The following MEIS2 variants were observed in gnomAD, a reference collection of about 807,000 sequenced individuals.
MEIS2 encodes the protein Meis homeobox 2.
A neutral mutation model predicts 58.6 loss-of-function variants in MEIS2; 9 were observed. The observed-to-expected ratio is 0.15, with a 90% CI of 0.09 to 0.27. MEIS2 has a LOEUF of 0.27. MEIS2 is among the 10% of genes least tolerant of loss of function. MEIS2 has a pLI of 1.00. For synonymous variants in MEIS2, 221 were observed against 228.4 expected, an observed-to-expected ratio of 0.97 and a Z score of 0.29; for missense variants, 427 against 635.0, an observed-to-expected ratio of 0.67 and a Z score of 3.52.
intron 8 of MEIS2, among the ~76,000 whole-genome samples, chr15:36,980,936 T>A (rs1296808131): frequency 6.6e-6 from 1 of 152,196 alleles, no homozygotes; most frequent in Non-Finnish European, 1.5e-5. Context: ...AGGACAAATA[T>A]CTTAACTGCT....
intron 8 of MEIS2, among the ~76,000 whole-genome samples, chr15:36,986,085 A>T (rs1343017026): frequency 6.6e-6 from 1 of 152,122 alleles, no homozygotes; most frequent in Non-Finnish European, 1.5e-5. Flanking sequence ...TAGTCAGATC[A>T]ATTTTGATAT....
intron 9 of MEIS2, among the ~76,000 whole-genome samples, chr15:36,933,190 G>C (rs2058045033): frequency 6.6e-6 from 1 of 152,108 alleles, no homozygotes; most frequent in South Asian, 2.1e-4. Flanking sequence ...AAATTAGGTG[G>C]CTAGGCTCAC....
intron 9 of MEIS2, among the ~76,000 whole-genome samples, chr15:36,906,663 A>C (rs2056755788): frequency 6.6e-6 from 1 of 151,658 alleles, no homozygotes; most frequent in African/African-American, 2.4e-5. Flanking sequence ...AAAAAAAAAA[A>C]AAAAAAAACA....
At chr15:37,047,279 C>T (rs2062715613) in intron 7 of MEIS2, among the ~76,000 whole-genome samples, 1 of 152,158 alleles carries the variant, frequency 6.6e-6, no homozygotes, top group Non-Finnish European at 1.5e-5. Flanking sequence ...TTGCACTACA[C>T]TACCTAGAGC....
At chr15:37,073,124 C>T (rs1183665921) in intron 7 of MEIS2, among the ~76,000 whole-genome samples, 2 of 152,024 alleles carry the variant, frequency 1.3e-5, no homozygotes, top group African/African-American at 4.8e-5. Context: ...TTTGGGGCTC[C>T]ACTATTAGTC....
At chr15:36,984,957 T>C (rs1244535245) in intron 8 of MEIS2, among the ~76,000 whole-genome samples, 1 of 152,184 alleles carries the variant, frequency 6.6e-6, no homozygotes, top group African/African-American at 2.4e-5. Context: ...CTTATAATTT[T>C]ATTTACTTGA....
At chr15:37,077,380 G>C (rs962307565) in intron 7 of MEIS2, among the ~76,000 whole-genome samples, 1 of 151,984 alleles carries the variant, frequency 6.6e-6, no homozygotes, top group Non-Finnish European at 1.5e-5. Flanking sequence ...GTTATAAAAG[G>C]GTTGTGCATT....
intron 8 of MEIS2, among the ~76,000 whole-genome samples, chr15:36,976,969 C>CA (rs1041565375): frequency 6.6e-6 from 1 of 151,912 alleles, no homozygotes; most frequent in Non-Finnish European, 1.5e-5. Flanking sequence ...ACTAAAAATA[C>CA]AAAAAAATTA....
intron 9 of MEIS2, among the ~76,000 whole-genome samples, chr15:36,937,992 C>CT (rs1422860322): frequency 6.6e-6 from 1 of 151,710 alleles, no homozygotes; most frequent in Non-Finnish European, 1.5e-5. Context: ...AGATGTCAAA[C>CT]TTTTTTTTTC....
At chr15:36,986,012 G>A (rs1166141327) in intron 8 of MEIS2, among the ~76,000 whole-genome samples, 1 of 152,126 alleles carries the variant, frequency 6.6e-6, no homozygotes, top group Non-Finnish European at 1.5e-5. Flanking sequence ...TAGCGCCACT[G>A]TAATTTTTTA....
intron 8 of MEIS2, among the ~76,000 whole-genome samples, chr15:36,962,856 T>A (rs2059232639): frequency 6.6e-6 from 1 of 152,258 alleles, no homozygotes; most frequent in Admixed American, 6.5e-5. Flanking sequence ...GAAATGGCCT[T>A]TAGACTCTAA....
At chr15:36,947,333 G>A (rs921781253) in intron 9 of MEIS2, among the ~76,000 whole-genome samples, 1 of 151,982 alleles carries the variant, frequency 6.6e-6, no homozygotes, top group Non-Finnish European at 1.5e-5. Context: ...TGACTGCAAA[G>A]ACACAAGGCA....
At chr15:37,066,552 C>CA (rs973299699) in intron 7 of MEIS2, 2 of 152,188 alleles carry the variant, frequency 1.3e-5, no homozygotes, top group African/African-American at 4.8e-5. Context: ...GGGAATCAAA[C>CA]AAAAATTTAT....
intron 9 of MEIS2, among the ~76,000 whole-genome samples, chr15:36,902,324 G>A (rs376387413): frequency 2.6e-5 from 4 of 152,282 alleles, no homozygotes; most frequent in South Asian, 2.1e-4. Context: ...TGTTCATATC[G>A]CCGGATCTTT....
chr15:36,922,380 G>T (rs911486795), intron 9 of MEIS2, among the ~76,000 whole-genome samples: 2 of 150,370 alleles, frequency 1.3e-5, no homozygotes, highest in Non-Finnish European at 3.0e-5. Flanking sequence ...GTGTGGTAAA[G>T]AGGTATTTTT....
chr15:36,954,847 C>G (rs2058898107), intron 8 of MEIS2, among the ~76,000 whole-genome samples: 1 of 152,202 alleles, frequency 6.6e-6, no homozygotes, highest in African/African-American at 2.4e-5. Context: ...GGAAAGTGAT[C>G]ATTATGATGA....
chr15:37,098,378 G>GA lies in MEIS2; in HGVS notation c.13-180_13-179insT, dbSNP rs1470139146. ...GGAGGAGGAGGAAAAGGAGGAGAGG[G>GA]GGAGAGAGAGAGAGAGAGAGAGAGA... is the stretch of plus-strand genomic sequence containing the variant. On this transcript the variant is annotated intron_variant, in intron 1 of 11. Coordinates refer to ENST00000561208, the MANE Select transcript of MEIS2 (RefSeq NM_170675.5). 87 of 1,103,162 alleles carry GA rather than the reference G, an allele frequency of 7.9e-5. No individual in the cohort carries two copies. The East Asian group carries it at 1.1e-3, about 14-fold the overall frequency. The allele number at this position is 1,103,162 out of a possible 1,614,324, so 68.3% of individuals were successfully genotyped here.
At chr15:36,962,018 A>C (rs1334043088) in intron 8 of MEIS2, among the ~76,000 whole-genome samples, 1 of 152,222 alleles carries the variant, frequency 6.6e-6, no homozygotes, top group Non-Finnish European at 1.5e-5. Context: ...ACAGAACCTT[A>C]AAAGGACAAA....
chr15:36,901,522 C>T (rs1035215574), intron 9 of MEIS2, among the ~76,000 whole-genome samples: 8 of 151,982 alleles, frequency 5.3e-5, no homozygotes, highest in African/African-American at 1.5e-4. Context: ...CACAGACAAC[C>T]GTGAGCAAAG....
Sources: gnomAD v4.1 joint callset for allele counts (sites outside exome capture counted in the v4.1 genomes callset) on GRCh38, gnomAD v4.1.1 for gene constraint, MANE v1.5 for transcripts, NCBI Gene and HGNC (gene_info 2026-07-23, HGNC 2026-07-21) for gene names.